The following NTM variants were observed in gnomAD, a reference collection of about 807,000 sequenced individuals.
NTM encodes neurotrimin, also known as IgLON family member 2.
In NTM, 13 loss-of-function variants were observed where a neutral mutation model predicts 42.1. The ratio of observed to expected loss-of-function variants is 0.31; its 90% CI spans 0.20 to 0.49. NTM has a LOEUF of 0.49. Ranked by LOEUF, NTM falls within the 20% of genes least tolerant of loss-of-function variation. NTM has a pLI of 0.99. For synonymous variants in NTM, 187 were observed against 179.2 expected, an observed-to-expected ratio of 1.04 and a Z score of -0.35; for missense variants, 373 against 452.8, an observed-to-expected ratio of 0.82 and a Z score of 1.60.
chr11:132,335,076 G>C lies in NTM; in HGVS notation c.998G>C (p.Gly333Ala). 1 of 1,612,428 alleles carries C rather than the reference G, an allele frequency of 6.2e-7. No homozygotes were observed. Among genetic ancestry groups the C allele is most frequent in the Non-Finnish European group, 8.5e-7 (1 of 1,179,978 alleles). ...GGCGCCGTCAGCGAGGTGAGCAACG[G>C]CACGTCGAGGAGGGCAGGCTGCGTC... is the stretch of plus-strand genomic sequence containing the variant. ...GPGAVSEVSN[G>A]TSRRAGCVWL... Residue 333 changes from glycine (G) to alanine (A), a missense_variant, in exon 9 of 9, where the codon GGC becomes GCC. By Grantham distance (60) the Gly-to-Ala change is moderately conservative. Transcript: ENST00000683400.
chr11:131,448,524 C>T (rs1406807502), intron 1 of NTM, among the ~76,000 whole-genome samples: 1 of 152,234 alleles, frequency 6.6e-6, no homozygotes, highest in East Asian at 1.9e-4. Context: ...CCAGGAAGAC[C>T]TTATGGGTGC....
chr11:131,443,396 G>A (rs1167017056), intron 1 of NTM, among the ~76,000 whole-genome samples: 4 of 152,106 alleles, frequency 2.6e-5, no homozygotes, highest in South Asian at 4.2e-4. Context: ...GAGAAAAGTC[G>A]GTCATATTGC....
intron 7 of NTM, among the ~76,000 whole-genome samples, chr11:132,323,307 G>C (rs1464376753): frequency 6.6e-6 from 1 of 151,952 alleles, no homozygotes; most frequent in East Asian, 1.9e-4. Flanking sequence ...AAAAAAAGAA[G>C]AATCAAATAG....
intron 1 of NTM, among the ~76,000 whole-genome samples, chr11:131,684,034 C>T (rs535207159): frequency 6.6e-6 from 1 of 152,314 alleles, no homozygotes; most frequent in East Asian, 1.9e-4. Context: ...AATTCTAACT[C>T]TACTACTTAC....
chr11:131,601,394 C>T (rs1346543603), intron 1 of NTM, among the ~76,000 whole-genome samples: 1 of 152,186 alleles, frequency 6.6e-6, no homozygotes, highest in South Asian at 2.1e-4. Flanking sequence ...ATGAACAAAA[C>T]CTCTTTGGGT....
chr11:132,053,784 C>T (rs1459897717), intron 2 of NTM, among the ~76,000 whole-genome samples: 1 of 152,188 alleles, frequency 6.6e-6, no homozygotes, highest in Non-Finnish European at 1.5e-5. Flanking sequence ...GCAGAAGGCA[C>T]TTAATGTAGG....
chr11:131,612,054 T>C (rs1210329513), intron 1 of NTM, among the ~76,000 whole-genome samples: 3 of 152,150 alleles, frequency 2.0e-5, no homozygotes, highest in Admixed American at 6.5e-5. Flanking sequence ...GACAGTATTA[T>C]CACATTTGCC....
At chr11:131,406,198 A>G (rs1248966814) in intron 1 of NTM, among the ~76,000 whole-genome samples, 1 of 152,204 alleles carries the variant, frequency 6.6e-6, no homozygotes, top group African/African-American at 2.4e-5. Context: ...ATTGCTCAAT[A>G]ATGTCAGAGT....
At chr11:132,332,960 G>A (rs1032633216) in intron 8 of NTM, among the ~76,000 whole-genome samples, 1 of 152,152 alleles carries the variant, frequency 6.6e-6, no homozygotes, top group African/African-American at 2.4e-5. Context: ...CGGGAGACGG[G>A]AGGTGGGAGT....
chr11:131,485,938 G>T (rs1199011493), intron 1 of NTM, among the ~76,000 whole-genome samples: 1 of 152,188 alleles, frequency 6.6e-6, no homozygotes, highest in African/African-American at 2.4e-5. Flanking sequence ...GATGAGCTAT[G>T]TGACCTTGGG....
At chr11:131,609,270 T>G (rs1040610502) in intron 1 of NTM, among the ~76,000 whole-genome samples, 1 of 152,224 alleles carries the variant, frequency 6.6e-6, no homozygotes, top group Non-Finnish European at 1.5e-5. Context: ...CACTGAGAGC[T>G]TAGGCCTGGG....
chr11:131,997,326 C>T (rs78837114), intron 2 of NTM, among the ~76,000 whole-genome samples: 3,539 of 152,296 alleles, frequency 0.023, 137 homozygotes, highest in African/African-American at 0.081. Context: ...CATTCCTGTT[C>T]CTCTGTCTAT....
At chr11:131,581,725 C>T (rs2512891) in intron 1 of NTM, among the ~76,000 whole-genome samples, 42,090 of 151,938 alleles carry the variant, frequency 0.28, 7,946 homozygotes, top group African/African-American at 0.53. Flanking sequence ...GTCTGTTCTG[C>T]CTGGGCCCAG....
rs1340233489 is a variant in NTM, at chr11:131,998,065, C to A, written c.167+86417C>A. Among the ~76,000 whole-genome samples the A allele has an allele frequency of 2.6e-5, 4 of 152,160 alleles. No individual in the cohort carries two copies. In the South Asian group the frequency reaches 8.3e-4, roughly 32 times the overall value. The stretch of plus-strand genomic sequence containing the variant: ...TGTTCCCCTCCTCTTTCCTGGAGGC[C>A]TTGTAAATGTACAGACCATTTAGAC... On this transcript the variant is annotated intron_variant, in intron 2 of 8. Transcript: ENST00000683400.
chr11:131,698,559 C>A lies in NTM; in HGVS notation c.83-213005C>A, dbSNP rs191789344. 1.1e-4 allele frequency among the ~76,000 whole-genome samples: 16 copies of A among 152,070 alleles called. No individual in the cohort carries two copies. The East Asian group carries it at 2.9e-3, about 28-fold the overall frequency. ...GGGAATTGTGATTTCCTTTAAAAAC[C>A]AGACATTTCCCATTGGAAAAAAAAA... is the stretch of plus-strand genomic sequence containing the variant. On this transcript the variant is annotated intron_variant, in intron 1 of 8. Transcript: ENST00000683400.
chr11:131,976,183 T>C (rs1191657362), intron 2 of NTM, among the ~76,000 whole-genome samples: 6 of 136,434 alleles, frequency 4.4e-5, no homozygotes, highest in Non-Finnish European at 7.8e-5. Flanking sequence ...TTTCTTCCTT[T>C]CTTCTTCAGT....
intron 4 of NTM, among the ~76,000 whole-genome samples, chr11:132,281,198 A>T (rs1401730282): frequency 6.6e-6 from 1 of 152,236 alleles, no homozygotes; most frequent in African/African-American, 2.4e-5. Flanking sequence ...TCTTCAGAGC[A>T]TGGCTGCGTT....
intron 3 of NTM, among the ~76,000 whole-genome samples, chr11:132,200,257 A>T (rs1401977939): frequency 2.6e-5 from 4 of 152,244 alleles, no homozygotes; most frequent in African/African-American, 9.6e-5. Context: ...GGATAATGAG[A>T]TGTGTCTTCC....
At chr11:131,598,697 T>TTC (rs1555161369) in intron 1 of NTM, among the ~76,000 whole-genome samples, 1 of 54,674 alleles carries the variant, frequency 1.8e-5, no homozygotes, top group African/African-American at 5.0e-5. Flanking sequence ...CTTTCTTTCT[T>TTC]TCTTTCTTTC....
Sources: allele counts gnomAD v4.1 joint callset (sites outside exome capture counted in the v4.1 genomes callset), GRCh38; gene constraint gnomAD v4.1.1; transcripts MANE v1.5; gene names NCBI Gene and HGNC (gene_info 2026-07-23, HGNC 2026-07-21).